Variants in GALNT18 observed in about 807,000 individuals in gnomAD.
GALNT18 encodes the protein polypeptide N-acetylgalactosaminyltransferase 18.
Under a neutral mutation model 69.5 loss-of-function variants are expected in GALNT18, and 44 were observed. The observed-to-expected ratio is 0.63, with a 90% CI of 0.50 to 0.81. The LOEUF (loss-of-function observed/expected upper bound fraction) is 0.81, where lower values mean the gene tolerates loss of function less well. Among genes scored for constraint, GALNT18 ranks in the 40% least tolerant of loss-of-function variants. GALNT18 has a pLI of 0.00. For synonymous variants in GALNT18, 364 were observed against 318.2 expected (o/e 1.14, Z -1.53); for missense variants, 715 against 810.0 (o/e 0.88, Z 1.42).
chr11:11,358,942 T>C lies in GALNT18; in HGVS notation c.1092+13573A>G, dbSNP rs79251206. Among the ~76,000 whole-genome samples the C allele has an allele frequency of 8.0e-3, 1,122 of 139,562 alleles. 173 individuals carry two copies. Among genetic ancestry groups the C allele is most frequent in the African/African-American group, 0.026 (976 of 37,728 alleles). 91.6% of individuals were successfully genotyped at this position (139,562 alleles called of 152,430 possible). A position where few individuals can be genotyped will look rare whatever the true frequency, so the allele number is the denominator to read the frequency against. The stretch of plus-strand genomic sequence containing the variant: ...GCCAACCATAACATTTAGAAGCAAC[T>C]AGAAACTACAATCCAATTTAAGGTG... On this transcript the variant is annotated intron_variant, in intron 6 of 10. Coordinates refer to ENST00000227756, the MANE Select transcript of GALNT18 (RefSeq NM_198516.3).
In GALNT18 at chr11:11,600,348, TC is replaced by T. The variant is rs768419408; in HGVS notation, c.235+21010del. Among the ~76,000 whole-genome samples, 1 of 152,120 alleles carries T rather than the reference TC, an allele frequency of 6.6e-6. No individual in the cohort carries two copies. Among genetic ancestry groups the T allele is most frequent in the Non-Finnish European group, 1.5e-5 (1 of 67,958 alleles). On this transcript the variant is annotated intron_variant, in intron 1 of 10. Transcript: ENST00000227756. The surrounding 1 kb of genome is among the most constrained non-coding windows in gnomAD (Gnocchi z 4.8). Reference sequence around the variant, plus strand: ...TAACAACAAATTCTGTTTTTGTTTTTCTGGTAATGACTTTATTTTGTATTCA... The same window carrying T: ...TAACAACAAATTCTGTTTTTGTTTTTTGGTAATGACTTTATTTTGTATTCA...
rs1278917028 is a variant in GALNT18, at chr11:11,338,169, T to C, written c.1278+2650A>G. Among the ~76,000 whole-genome samples the C allele has an allele frequency of 6.6e-6, 1 of 151,774 alleles. No individual in the cohort carries two copies. The highest frequency in any genetic ancestry group is 6.6e-5 in the Admixed American group (1 of 15,250). On this transcript the variant is annotated intron_variant, in intron 7 of 10. Coordinates refer to ENST00000227756, the MANE Select transcript of GALNT18 (RefSeq NM_198516.3). This position sits in a 1 kb window ranked among gnomAD's most constrained non-coding sequence, Gnocchi z 5.3. ...TTTTAGTAGAGATGGGGTTTCACCATGTTGGCCAGGCTGTTCTTGAACTCC... is the reference window on the plus strand; with the variant it reads ...TTTTAGTAGAGATGGGGTTTCACCACGTTGGCCAGGCTGTTCTTGAACTCC...
chr11:11,509,558 A>G (rs1340371123), intron 1 of GALNT18, among the ~76,000 whole-genome samples: 1 of 152,238 alleles, frequency 6.6e-6, no homozygotes, highest in Non-Finnish European at 1.5e-5. Context: ...TAACTGCTCA[A>G]TAAGTAGTTA....
rs1859505459 is a variant in GALNT18, at chr11:11,596,578, T to C, written c.235+24781A>G. 6.6e-6 allele frequency among the ~76,000 whole-genome samples: 1 copy of C among 152,184 alleles called. No homozygotes were observed. The highest frequency in any genetic ancestry group is 2.4e-5 in the African/African-American group (1 of 41,444). ...GTTTTCAGAGTATGAGTTTCTGCAC[T>C]TTTTTCTTAATTTCTTCCTAAGCAT... On this transcript the variant is annotated intron_variant, in intron 1 of 10. Coordinates refer to ENST00000227756, the MANE Select transcript of GALNT18 (RefSeq NM_198516.3). The surrounding 1 kb of genome is among the most constrained non-coding windows in gnomAD (Gnocchi z 4.2).
In GALNT18 at chr11:11,475,582, C is replaced by A. The variant is rs1856374463; in HGVS notation, c.236-26646G>T. On this transcript the variant is annotated intron_variant, in intron 1 of 10. Coordinates refer to ENST00000227756, the MANE Select transcript of GALNT18 (RefSeq NM_198516.3). ...TTAAAACAAAATCTTCAAAACTTGG[C>A]CAGAGGCTGTTGCATCTTGTTACTT... The A allele has an allele frequency of 2.0e-5, 3 of 152,144 alleles. No individual in the cohort carries two copies. In the South Asian group the frequency reaches 6.2e-4, roughly 32 times the overall value. The allele number at this position is 152,144 out of a possible 1,614,324, so 9.4% of individuals were successfully genotyped here. A position where few individuals can be genotyped will look rare whatever the true frequency, so the allele number is the denominator to read the frequency against.
intron 2 of GALNT18, among the ~76,000 whole-genome samples, chr11:11,440,755 T>C (rs951301090): frequency 4.6e-5 from 7 of 152,216 alleles, no homozygotes; most frequent in Non-Finnish European, 8.8e-5. Flanking sequence ...TCTTCTTTTT[T>C]ACAAATCAGA....
chr11:11,273,527 G>A lies in GALNT18; in HGVS notation c.1678-2237C>T, dbSNP rs188676443. ...CACCCCAGTTAAAATGGCTTTAACC[G>A]AAAGACAGGCAATAATAAATGCTGG... On this transcript the variant is annotated intron_variant, in intron 10 of 10. Transcript: ENST00000227756. Among the ~76,000 whole-genome samples, 386 of 152,276 alleles carry A rather than the reference G, an allele frequency of 2.5e-3. 14 individuals carry two copies. The highest frequency in any genetic ancestry group is 0.024 in the Admixed American group (374 of 15,296).
intron 1 of GALNT18, among the ~76,000 whole-genome samples, chr11:11,474,174 T>TG: frequency 6.6e-6 from 1 of 152,218 alleles, no homozygotes; most frequent in African/African-American, 2.4e-5. Flanking sequence ...AAGAGAAACT[T>TG]GGAGGAGAGC....
At chr11:11,594,727 TA>T (rs1859444700) in intron 1 of GALNT18, among the ~76,000 whole-genome samples, 1 of 151,490 alleles carries the variant, frequency 6.6e-6, no homozygotes, top group African/African-American at 2.4e-5. Flanking sequence ...ACATTTGGAT[TA>T]TTTTCACTTT....
intron 1 of GALNT18, among the ~76,000 whole-genome samples, chr11:11,608,704 G>A (rs1859814742): frequency 1.3e-5 from 2 of 152,182 alleles, no homozygotes; most frequent in South Asian, 4.1e-4. Flanking sequence ...GGCCCTGCAA[G>A]TGAAGAGACT....
chr11:11,317,396 A>G (rs1014265505), intron 9 of GALNT18, among the ~76,000 whole-genome samples: 4 of 152,224 alleles, frequency 2.6e-5, no homozygotes, highest in Non-Finnish European at 5.9e-5. Flanking sequence ...GTTGCTCTAC[A>G]AAACTATTCC....
chr11:11,280,713 C>G (rs1849054265), intron 10 of GALNT18, among the ~76,000 whole-genome samples: 1 of 152,204 alleles, frequency 6.6e-6, no homozygotes, highest in African/African-American at 2.4e-5. Flanking sequence ...GGACTGACCA[C>G]AGTGCCCAGG....
chr11:11,289,858 C>T (rs905798937), intron 10 of GALNT18, among the ~76,000 whole-genome samples: 1 of 152,178 alleles, frequency 6.6e-6, no homozygotes, highest in Non-Finnish European at 1.5e-5. Context: ...ATCTCAATGT[C>T]TCATATTGGA....
rs1855016220 is a variant in GALNT18, at chr11:11,421,926, G to C, written c.595+10695C>G. On this transcript the variant is annotated intron_variant, in intron 3 of 10. Transcript: ENST00000227756. The surrounding 1 kb of genome is among the most constrained non-coding windows in gnomAD (Gnocchi z 5.6). ...ACAGACTTTATTTTAGCCCCTACGT[G>C]CCCCTGGCCTGGGTGCCCTGGCATA... Among the ~76,000 whole-genome samples, 1 of 152,192 alleles carries C rather than the reference G, an allele frequency of 6.6e-6. No homozygotes were observed. Among genetic ancestry groups the C allele is most frequent in the South Asian group, 2.1e-4 (1 of 4,838 alleles).
intron 1 of GALNT18, among the ~76,000 whole-genome samples, chr11:11,472,009 A>C (rs1440966098): frequency 6.6e-6 from 1 of 152,242 alleles, no homozygotes; most frequent in East Asian, 1.9e-4. Flanking sequence ...CTCAGCAGAA[A>C]GCCACTTGCA....
chr11:11,510,040 C>T (rs577301455), intron 1 of GALNT18, among the ~76,000 whole-genome samples: 1 of 152,326 alleles, frequency 6.6e-6, no homozygotes, highest in Non-Finnish European at 1.5e-5. Flanking sequence ...ACTCCAGACA[C>T]TTCACTATGG....
chr11:11,587,178 T>C lies in GALNT18; in HGVS notation c.235+34181A>G, dbSNP rs1859248470. Among the ~76,000 whole-genome samples the C allele has an allele frequency of 1.3e-5, 2 of 152,206 alleles. No individual in the cohort carries two copies. Among genetic ancestry groups the C allele is most frequent in the Admixed American group, 1.3e-4 (2 of 15,270 alleles). On this transcript the variant is annotated intron_variant, in intron 1 of 10. Transcript: ENST00000227756. This position sits in a 1 kb window ranked among gnomAD's most constrained non-coding sequence, Gnocchi z 4.4. ...CACAGCAATTTGCTCTAGCACTATA[T>C]GACTGGTTCTGATTGGACACTGCCA... is the stretch of plus-strand genomic sequence containing the variant.
chr11:11,570,689 T>C (rs4307711), intron 1 of GALNT18, among the ~76,000 whole-genome samples: 132,337 of 152,190 alleles, frequency 0.87, 57,651 homozygotes, highest in South Asian at 0.92. Flanking sequence ...TTGCCTTGAC[T>C]GCACTTCTTG....
At chr11:11,490,256 C>CAT (rs1564975751) in intron 1 of GALNT18, among the ~76,000 whole-genome samples, 2 of 151,588 alleles carry the variant, frequency 1.3e-5, no homozygotes, top group Admixed American at 1.3e-4. Flanking sequence ...CACACACACA[C>CAT]ACACACACAC....
Sources: allele counts gnomAD v4.1 joint callset (sites outside exome capture counted in the v4.1 genomes callset), GRCh38; gene constraint gnomAD v4.1.1; non-coding constraint Gnocchi (gnomAD v3.1); transcripts MANE v1.5; gene names NCBI Gene and HGNC (gene_info 2026-07-23, HGNC 2026-07-21).